Variants in RNF157 observed in about 807,000 individuals in gnomAD.
The protein encoded by RNF157 is ring finger protein 157, also known as E3 ubiquitin ligase RNF157.
RNF157 carries 55 observed loss-of-function variants against 88.3 expected under a neutral mutation model. The observed-to-expected ratio is 0.62, with a 90% CI of 0.50 to 0.78. The LOEUF (loss-of-function observed/expected upper bound fraction) is 0.78. Among genes scored for constraint, RNF157 ranks in the 30% least tolerant of loss-of-function variants. RNF157 has a pLI of 0.00. For missense variants in RNF157, 788 were observed against 860.8 expected (o/e 0.92, Z 1.06); for synonymous variants, 334 against 341.2 (o/e 0.98, Z 0.23).
chr17:76,161,993 C>G lies in RNF157; in HGVS notation c.802G>C (p.Asp268His), dbSNP rs1230717941. Residue 268 changes from aspartate (D) to histidine (H), a missense_variant, in exon 10 of 19, where the codon GAC becomes CAC. Asp to His is a moderately conservative substitution (Grantham distance 81). Transcript: ENST00000269391. This position sits in a 1 kb window ranked among gnomAD's most constrained non-coding sequence, Gnocchi z 4.6. ...YNTQDSKVAE[D>H]EVSDNSAECV... ...TCGGCACTGTTATCACTCACTTCGT[C>G]TTCAGCCACCTGGCCAAGGAGAAAG... 1.2e-6 allele frequency: 2 copies of G among 1,613,204 alleles called. No homozygotes were observed. Among genetic ancestry groups the G allele is most frequent in the Non-Finnish European group, 1.7e-6 (2 of 1,179,404 alleles).
At chr17:76,222,622 G>A (rs1283613925) in intron 1 of RNF157, among the ~76,000 whole-genome samples, 1 of 151,962 alleles carries the variant, frequency 6.6e-6, no homozygotes, top group Non-Finnish European at 1.5e-5. Context: ...ATTCTCTTAC[G>A]TCCATTTTTC....
rs141435254 is a variant in RNF157 at position 76,166,933 on chromosome 17, G to C, written c.561+76C>G. 5.6e-4 allele frequency: 516 copies of C among 928,948 alleles called. 3 individuals carry two copies. The African/African-American group carries it at 7.0e-3, about 13-fold the overall frequency. 57.5% of individuals were successfully genotyped at this position (928,948 alleles called of 1,614,324 possible). ...CTTCAAGCATCCGAGCAGCCCCTTT[G>C]CTGTCAGACCGAGTCCTAAGTAGCC... On this transcript the variant is annotated intron_variant, in intron 5 of 18. Coordinates refer to ENST00000269391, the MANE Select transcript of RNF157 (RefSeq NM_052916.3).
chr17:76,206,319 CCAA>C (rs1299736764), intron 2 of RNF157, among the ~76,000 whole-genome samples: 1 of 152,036 alleles, frequency 6.6e-6, no homozygotes, highest in Non-Finnish European at 1.5e-5. Context: ...AGTAATTATC[CCAA>C]CAAAACAAGA....
At chr17:76,234,851 AT>A (rs1277709586) in intron 1 of RNF157, among the ~76,000 whole-genome samples, 2 of 152,126 alleles carry the variant, frequency 1.3e-5, no homozygotes, top group Non-Finnish European at 2.9e-5. Context: ...AATTTTGGTG[AT>A]GTAAAGAATA....
intron 18 of RNF157, among the ~76,000 whole-genome samples, chr17:76,150,645 T>C (rs1384631354): frequency 6.6e-6 from 1 of 152,036 alleles, no homozygotes; most frequent in African/African-American, 2.4e-5. Flanking sequence ...TTCACCCAAC[T>C]ACTGACAGAG....
At chr17:76,151,344 C>T (rs929867893) in intron 18 of RNF157, among the ~76,000 whole-genome samples, 4 of 152,344 alleles carry the variant, frequency 2.6e-5, no homozygotes, top group African/African-American at 9.6e-5. Context: ...TGTGTGGGGC[C>T]AGAGTGTGCT....
chr17:76,174,544 T>C (rs568848011), intron 2 of RNF157, among the ~76,000 whole-genome samples: 41 of 152,372 alleles, frequency 2.7e-4, no homozygotes, highest in African/African-American at 9.9e-4. Flanking sequence ...GTTCCCGGTA[T>C]TTTTAAAATG....
chr17:76,237,558 T>C (rs1240070284), intron 1 of RNF157, among the ~76,000 whole-genome samples: 2 of 152,216 alleles, frequency 1.3e-5, no homozygotes, highest in African/African-American at 2.4e-5. Context: ...GGAATGATTG[T>C]TTTAAGTCTT....
At chr17:76,165,985 A>AT (rs1401904438) in intron 6 of RNF157, among the ~76,000 whole-genome samples, 1 of 145,598 alleles carries the variant, frequency 6.9e-6, no homozygotes, top group Non-Finnish European at 1.5e-5. Context: ...GCTAAACCAC[A>AT]TTTTTTTGAG....
intron 18 of RNF157, among the ~76,000 whole-genome samples, chr17:76,148,219 T>C (rs1036898861): frequency 1.6e-4 from 24 of 151,910 alleles, no homozygotes; most frequent in Admixed American, 7.9e-4. Flanking sequence ...CATTTAAAAA[T>C]TGTATTGGTA....
intron 1 of RNF157, chr17:76,226,518 C>T (rs1003304331): frequency 5.6e-6 from 9 of 1,613,150 alleles, no homozygotes; most frequent in Non-Finnish European, 6.8e-6. Context: ...AACAGGGCAC[C>T]AAAGTCGAAC....
intron 11 of RNF157, among the ~76,000 whole-genome samples, chr17:76,159,826 G>C (rs954659222): frequency 2.6e-5 from 4 of 151,794 alleles, no homozygotes; most frequent in African/African-American, 9.7e-5. Flanking sequence ...ATACATAAAA[G>C]TAAAAGTAAG....
At chr17:76,219,106 G>T (rs922477896) in intron 1 of RNF157, among the ~76,000 whole-genome samples, 24 of 152,122 alleles carry the variant, frequency 1.6e-4, no homozygotes, top group African/African-American at 5.8e-4. Flanking sequence ...GAGGAGAGGT[G>T]AGTGAAGAGG....
At chr17:76,219,525 A>C (rs1191306114) in intron 1 of RNF157, among the ~76,000 whole-genome samples, 2 of 152,102 alleles carry the variant, frequency 1.3e-5, no homozygotes, top group Non-Finnish European at 2.9e-5. Flanking sequence ...TATCTATAGG[A>C]GGAGGGAGGG....
In RNF157 at chr17:76,220,655, A is replaced by ATTT. The variant is rs557955508; in HGVS notation, c.89-8176_89-8174dup. On this transcript the variant is annotated intron_variant, in intron 1 of 18. Coordinates refer to ENST00000269391, the MANE Select transcript of RNF157 (RefSeq NM_052916.3). ...AAGACACTGTCTCTACAAATTTATTATTTTTTTTTTTTTAGTTAGCTGGGC... is the reference window on the plus strand; with the variant it reads ...AAGACACTGTCTCTACAAATTTATTATTTTTTTTTTTTTTTTAGTTAGCTGGGC... Among the ~76,000 whole-genome samples, 482 of 147,774 alleles carry ATTT rather than the reference A, an allele frequency of 3.3e-3. 3 individuals carry two copies. Among genetic ancestry groups the ATTT allele is most frequent in the African/African-American group, 0.011 (443 of 40,408 alleles).
intron 2 of RNF157, among the ~76,000 whole-genome samples, chr17:76,210,399 G>T (rs940145706): frequency 1.3e-5 from 2 of 151,552 alleles, no homozygotes; most frequent in East Asian, 3.9e-4. Context: ...GACCATCCTG[G>T]CTAACACAGT....
chr17:76,196,717 A>G (rs748059378), intron 2 of RNF157, among the ~76,000 whole-genome samples: 1 of 151,954 alleles, frequency 6.6e-6, no homozygotes, highest in African/African-American at 2.4e-5. Context: ...AGCCATAGCT[A>G]CCCCTTCTCC....
chr17:76,148,305 C>T (rs555015409), intron 18 of RNF157, among the ~76,000 whole-genome samples: 12 of 134,390 alleles, frequency 8.9e-5, no homozygotes, highest in Non-Finnish European at 1.4e-4. Flanking sequence ...CTTGCTCTGT[C>T]GCCCAGGCTG....
chr17:76,174,073 T>TA (rs777601995), intron 2 of RNF157, among the ~76,000 whole-genome samples: 149 of 147,386 alleles, frequency 1.0e-3, no homozygotes, highest in East Asian at 2.6e-3. Flanking sequence ...GGAGAATTAA[T>TA]AATAAAAAAA....
Sources: gnomAD v4.1 joint callset for allele counts (sites outside exome capture counted in the v4.1 genomes callset) on GRCh38, gnomAD v4.1.1 for gene constraint, Gnocchi (gnomAD v3.1) non-coding constraint, MANE v1.5 for transcripts, NCBI Gene and HGNC (gene_info 2026-07-23, HGNC 2026-07-21) for gene names.